Variants in METTL22 observed in about 807,000 individuals in gnomAD.
METTL22 encodes methyltransferase 22, Kin17 lysine.
METTL22 carries 51 observed loss-of-function variants against 48.4 expected under a neutral mutation model. The observed-to-expected ratio is 1.05, with a 90% confidence interval of 0.84 to 1.33. The LOEUF (loss-of-function observed/expected upper bound fraction) is 1.33. Ranked by LOEUF, METTL22 falls within the 40% of genes most tolerant of loss-of-function variation. The pLI is 0.00. For missense variants in METTL22, 678 were observed against 526.9 expected, an observed-to-expected ratio of 1.29 and a Z score of -2.81; for synonymous variants, 255 against 214.1, an observed-to-expected ratio of 1.19 and a Z score of -1.67.
At chr16:8,626,760 T>C (rs1186083642) in intron 2 of METTL22, among the ~76,000 whole-genome samples, 1 of 87,160 alleles carries the variant, frequency 1.1e-5, no homozygotes, top group Non-Finnish European at 2.4e-5. Flanking sequence ...TGTCCTCTAC[T>C]CTTTTTTTTT....
downstream of METTL22, among the ~76,000 whole-genome samples, chr16:8,651,757 C>A (rs983696258): frequency 6.6e-6 from 1 of 152,148 alleles, no homozygotes; most frequent in Admixed American, 6.5e-5. Context: ...CTGGGCAACC[C>A]TCAGAGAGAG....
At chr16:8,663,225 A>AAAAAAAGT in the METTL22 span, among the ~76,000 whole-genome samples, 1,425 of 123,344 alleles carry the variant, frequency 0.012, 36 homozygotes, top group Non-Finnish European at 0.016. Flanking sequence ...AAAAAAAAAA[A>AAAAAAAGT]GGTAGCCAAG....
intron 3 of METTL22, among the ~76,000 whole-genome samples, chr16:8,634,453 CT>C (rs2056362066): frequency 6.6e-6 from 1 of 152,000 alleles, no homozygotes; most frequent in South Asian, 2.1e-4. Flanking sequence ...GAATTTGATC[CT>C]ATTAGGGTAT....
chr16:8,645,078 T>G (rs2056745108), intron 10 of METTL22: 1 of 181,912 alleles, frequency 5.5e-6, no homozygotes, highest in African/African-American at 2.3e-5. Context: ...CAGATCTTGG[T>G]GCAGGCGCCC....
chr16:8,654,426 G>A (rs778022403), downstream of METTL22, among the ~76,000 whole-genome samples: 1 of 152,206 alleles, frequency 6.6e-6, no homozygotes, highest in African/African-American at 2.4e-5. Context: ...TTGGGGGAAT[G>A]GAATTGATGA....
chr16:8,630,020 G>A (rs933770010), intron 3 of METTL22, among the ~76,000 whole-genome samples: 2 of 5,066 alleles, frequency 3.9e-4, no homozygotes, highest in Admixed American at 8.6e-3. Context: ...TCCCCCTGGC[G>A]CTGCTCATTT....
chr16:8,656,295 G>T, the METTL22 span, among the ~76,000 whole-genome samples: 1 of 152,184 alleles, frequency 6.6e-6, no homozygotes, highest in Non-Finnish European at 1.5e-5. Context: ...CTATTGACAT[G>T]TATGTAGCAG....
Position 8,628,901 on chromosome 16 carries a change from C to T in METTL22, c.305C>T (p.Ala102Val), listed in dbSNP as rs1326382952. Residue 102 changes from alanine to valine, a missense_variant, in exon 3 of 11, where the codon GCC (alanine) becomes GTC (valine). Ala to Val is a moderately conservative substitution (Grantham distance 64, BLOSUM62 0). Transcript: ENST00000381920. Reference protein sequence around the residue: ...GHGNEGFSLQAGTDTTGQEVA... With the variant: ...GHGNEGFSLQVGTDTTGQEVA... ...GGTAATGAGGGTTTCTCCCTCCAGGCCGGGACTGACACCACTGGCCAGGAA... is the reference window on the plus strand; with the variant it reads ...GGTAATGAGGGTTTCTCCCTCCAGGTCGGGACTGACACCACTGGCCAGGAA... 1.2e-6 allele frequency: 2 copies of T among 1,613,932 alleles called. No homozygotes were observed. Among genetic ancestry groups the T allele is most frequent in the East Asian group, 4.5e-5 (2 of 44,828 alleles).
At chr16:8,666,926 A>T in the METTL22 span, 1 of 151,914 alleles carries the variant, frequency 6.6e-6, no homozygotes, top group African/African-American at 2.4e-5. Flanking sequence ...AGCTAGGATT[A>T]CAGGCACCTG....
At chr16:8,639,297 G>A (rs1641049) in intron 6 of METTL22, 135 bp downstream of exon 6, 809,783 of 812,696 alleles carry the variant, frequency 1, 403,500 homozygotes, top group East Asian at 1. Context: ...GGGAGCAGGC[G>A]TCGTCTGGGC....
At chr16:8,644,515 A>G in intron 9 of METTL22, 42 bp from the exon 10 acceptor site, 2 of 1,509,822 alleles carry the variant, frequency 1.3e-6, no homozygotes, top group Non-Finnish European at 1.8e-6. Context: ...AACCCTTCCC[A>G]TTGATGATGG....
intron 1 of METTL22, among the ~76,000 whole-genome samples, chr16:8,623,338 C>CA (rs2055924384): frequency 2.0e-5 from 3 of 150,246 alleles, no homozygotes; most frequent in Non-Finnish European, 4.4e-5. Context: ...TGCGCTATGG[C>CA]AAAAAAAGAA....
chr16:8,664,119 G>A, the METTL22 span, among the ~76,000 whole-genome samples: 2 of 148,618 alleles, frequency 1.3e-5, no homozygotes, highest in African/African-American at 2.5e-5. Flanking sequence ...ATGGAGTCTC[G>A]CTCTGTTTCC....
the METTL22 span, among the ~76,000 whole-genome samples, chr16:8,663,261 A>G: frequency 6.7e-6 from 1 of 150,232 alleles, no homozygotes; most frequent in Non-Finnish European, 1.5e-5. Flanking sequence ...TCTCCCTATT[A>G]TTATTAATCT....
At chr16:8,636,120 C>T (rs1316202118) in intron 5 of METTL22, among the ~76,000 whole-genome samples, 9 of 152,148 alleles carry the variant, frequency 5.9e-5, no homozygotes, top group Non-Finnish European at 7.3e-5. Flanking sequence ...CCCCTCCCAC[C>T]GTGTCACCTT....
Position 8,642,479 on chromosome 16 carries a change from C to T in METTL22, c.924C>T (p.Asp308=), listed in dbSNP as rs779155854. The T allele has an allele frequency of 6.2e-7, 1 of 1,614,228 alleles. No individual in the cohort carries two copies. The highest frequency in any genetic ancestry group is 8.5e-7 in the Non-Finnish European group (1 of 1,180,034). ...LFAAEVFYDD[D]LTDAVFKTLS... is the part of the protein sequence containing the mutation. The stretch of plus-strand genomic sequence containing the variant: ...TTCCCACAGTGTTTTACGACGACGA[C>T]TTGACTGATGCTGTGTTTAAAACGC... Residue 308 remains aspartate, a synonymous_variant, in exon 9 of 11, where the codon GAC becomes GAT. Coordinates refer to ENST00000381920, the MANE Select transcript of METTL22 (RefSeq NM_024109.4).
the METTL22 span, among the ~76,000 whole-genome samples, chr16:8,658,540 G>A: frequency 2.0e-5 from 3 of 152,122 alleles, no homozygotes; most frequent in Non-Finnish European, 2.9e-5. Context: ...GTTGCTCCTC[G>A]GCTCCAGAAG....
intron 3 of METTL22, among the ~76,000 whole-genome samples, chr16:8,633,652 C>T (rs936931423): frequency 2.0e-5 from 3 of 152,216 alleles, no homozygotes; most frequent in Admixed American, 6.5e-5. Context: ...CTTGGAACCC[C>T]GCATCTGCCA....
chr16:8,653,030 T>C (rs2056921268), downstream of METTL22, among the ~76,000 whole-genome samples: 1 of 152,216 alleles, frequency 6.6e-6, no homozygotes, highest in Non-Finnish European at 1.5e-5. Flanking sequence ...TCAAACCCAC[T>C]TCTGCTGCTC....
Sources: allele counts gnomAD v4.1 joint callset (sites outside exome capture counted in the v4.1 genomes callset), GRCh38; gene constraint gnomAD v4.1.1; transcripts MANE v1.5; gene names NCBI Gene and HGNC (gene_info 2026-07-23, HGNC 2026-07-21).